POF1B: variants seen among roughly 807,000 people sequenced by gnomAD.
The protein encoded by POF1B is protein POF1B.
A neutral mutation model predicts 55.3 loss-of-function variants in POF1B; 53 were observed. The observed-to-expected ratio is 0.96, with a 90% CI of 0.77 to 1.20. The LOEUF (loss-of-function observed/expected upper bound fraction) is 1.20, where lower values mean the gene tolerates loss of function less well. Among genes scored for constraint, POF1B ranks in the 50% most tolerant of loss-of-function variants. The pLI, the probability that POF1B is intolerant of heterozygous loss-of-function variation, is 0.00. For synonymous variants in POF1B, 188 were observed against 148.3 expected, an observed-to-expected ratio of 1.27 and a Z score of -1.95; for missense variants, 478 against 420.5, an observed-to-expected ratio of 1.14 and a Z score of -1.20.
At chrX:85,372,212 C>A (rs530181514) in intron 2 of POF1B, among the ~76,000 whole-genome samples, 1 of 109,252 alleles carries the variant, frequency 9.2e-6, no homozygotes, top group Admixed American at 9.8e-5. Flanking sequence ...GGTGTGGTGG[C>A]GGGCGCCTAT....
At chrX:85,351,319 A>G (rs201047704) in intron 5 of POF1B, 31 bp downstream of exon 5, 2 of 1,048,380 alleles carry the variant, frequency 1.9e-6, no homozygotes, top group Admixed American at 2.6e-5. Flanking sequence ...TATACACTTA[A>G]AAACAAGTTT....
At chrX:85,293,159 A>G (rs2147895377) in intron 15 of POF1B, among the ~76,000 whole-genome samples, 1 of 112,135 alleles carries the variant, frequency 8.9e-6, no homozygotes, top group East Asian at 2.8e-4. Context: ...CAACACAGCA[A>G]TCTCATTACT....
intron 7 of POF1B, among the ~76,000 whole-genome samples, chrX:85,330,482 T>C (rs1249817653): frequency 8.9e-6 from 1 of 111,795 alleles, no homozygotes; most frequent in Non-Finnish European, 1.9e-5. Flanking sequence ...AAACAAGTTA[T>C]AGTATGCCAT....
intron 7 of POF1B, among the ~76,000 whole-genome samples, chrX:85,320,636 A>T (rs1367753612): frequency 8.9e-6 from 1 of 111,767 alleles, no homozygotes; most frequent in Non-Finnish European, 1.9e-5. Flanking sequence ...CCCTTCAAAA[A>T]TTAATGAATC....
At chrX:85,300,222 A>C (rs924924447) in intron 15 of POF1B, among the ~76,000 whole-genome samples, 4 of 111,804 alleles carry the variant, frequency 3.6e-5, no homozygotes, top group African/African-American at 1.3e-4. Flanking sequence ...CCAAGGCTGT[A>C]CGCATGTGAA....
At position 85,279,446 on chromosome X, in the gene POF1B, G is replaced by C. The variant is rs1227812690; in HGVS notation, c.1765-20C>G. The C allele has an allele frequency of 1.7e-6, 2 of 1,172,756 alleles. No homozygotes were observed. Among genetic ancestry groups the C allele is most frequent in the African/African-American group, 3.7e-5 (2 of 54,105 alleles). ...TCATGGCTAGAAAAGAAAAAAAAAG[G>C]TTATCTTACAACTGGTTCATAATTA... On this transcript the variant is annotated intron_variant, in intron 16 of 16. Coordinates refer to ENST00000262753, the MANE Select transcript of POF1B (RefSeq NM_024921.4).
rs1204908628 is a variant in POF1B, at chrX:85,377,798, C to T, written c.282+1375G>A. 4.5e-5 allele frequency among the ~76,000 whole-genome samples: 5 copies of T among 111,986 alleles called. No homozygotes were observed. The Admixed American group carries it at 4.8e-4, about 11-fold the overall frequency. On this transcript the variant is annotated intron_variant, in intron 2 of 16. Transcript: ENST00000262753. ...ACCAAGGAGTAAATAATAAAACATA[C>T]TCCTAAAAATTGTCCGGTAGCCAAT...
chrX:85,316,446 C>T (rs181612668), intron 7 of POF1B, among the ~76,000 whole-genome samples: 1 of 110,951 alleles, frequency 9.0e-6, no homozygotes, highest in East Asian at 2.9e-4. Context: ...ACCAGACTGG[C>T]ACTTACTCCT....
intron 13 of POF1B, among the ~76,000 whole-genome samples, chrX:85,304,732 A>C (rs762466259): frequency 9.0e-6 from 1 of 111,302 alleles, no homozygotes; most frequent in Non-Finnish European, 1.9e-5. Context: ...CAAAATTTAA[A>C]GTAAAGCTAA....
rs781503111 is a variant in POF1B at position 85,322,176 on chromosome X, C to T, written c.855-6442G>A. Among the ~76,000 whole-genome samples the T allele has an allele frequency of 2.7e-5, 3 of 111,319 alleles. No individual in the cohort carries two copies. The South Asian group carries it at 1.1e-3, about 43-fold the overall frequency. ...AAAGAACAAGGCTGGAGGTATCATG[C>T]TACCTGACTTCAAACTATACTACAA... On this transcript the variant is annotated intron_variant, in intron 7 of 16. Coordinates refer to ENST00000262753, the MANE Select transcript of POF1B (RefSeq NM_024921.4).
chrX:85,379,042 A>G (rs1933967108), intron 2 of POF1B, 131 bp downstream of exon 2: 1 of 747,087 alleles, frequency 1.3e-6, no homozygotes, highest in Admixed American at 3.5e-5. Context: ...TTGGGTGACT[A>G]TCCAAGGCAT....
chrX:85,369,673 A>G (rs112449133), intron 2 of POF1B, among the ~76,000 whole-genome samples: 2,460 of 111,622 alleles, frequency 0.022, 65 homozygotes, highest in African/African-American at 0.076. Flanking sequence ...GCTGATTAAC[A>G]TTTATATTGT....
At position 85,306,317 on chromosome X, in the gene POF1B, G is replaced by A; in HGVS notation, c.1181C>T (p.Ser394Leu). 8.3e-7 allele frequency: 1 copy of A among 1,207,355 alleles called. No individual in the cohort carries two copies. Among genetic ancestry groups the A allele is most frequent in the East Asian group, 3.0e-5 (1 of 33,688 alleles). ...NHQQQQGLQD[S>L]SSKCQALEEN... ...TTCCAATGCCTGGCATTTTGAACTT[G>A]AGTCTTGAAGTCCTTGCTGTAAAGA... Residue 394 changes from serine to leucine, a missense_variant, in exon 12 of 17, where the codon TCA becomes TTA. By Grantham distance (145) the Ser-to-Leu change is moderately radical. Coordinates refer to ENST00000262753, the MANE Select transcript of POF1B (RefSeq NM_024921.4).
chrX:85,303,614 T>C (rs887567546), intron 14 of POF1B, 126 bp from the exon 15 acceptor site: 4 of 456,862 alleles, frequency 8.8e-6, no homozygotes, highest in Non-Finnish European at 1.5e-5. Context: ...CTTTTTAGCC[T>C]TGACGTAATA....
chrX:85,326,399 A>C (rs1932897525), intron 7 of POF1B, among the ~76,000 whole-genome samples: 1 of 109,090 alleles, frequency 9.2e-6, no homozygotes, highest in Admixed American at 9.7e-5. Context: ...GCGGATTCAC[A>C]CAGGCGGCAG....
intron 15 of POF1B, among the ~76,000 whole-genome samples, chrX:85,302,045 C>T (rs1391190172): frequency 9.0e-6 from 1 of 111,164 alleles, no homozygotes; most frequent in Non-Finnish European, 1.9e-5. Flanking sequence ...TTGGGTTAGT[C>T]AACAGTTTCT....
intron 4 of POF1B, among the ~76,000 whole-genome samples, chrX:85,355,999 C>T (rs1194667877): frequency 9.0e-6 from 1 of 111,482 alleles, no homozygotes; most frequent in African/African-American, 3.3e-5. Context: ...GCTATAAAGA[C>T]ACATGCACAC....
intron 4 of POF1B, among the ~76,000 whole-genome samples, chrX:85,355,198 G>A (rs1357416582): frequency 3.8e-4 from 42 of 111,699 alleles, no homozygotes; most frequent in Non-Finnish European, 3.4e-4. Context: ...ACAAAAACAA[G>A]CAATGGGGAA....
Position 85,279,092 on chromosome X carries a change from A to G in POF1B, c.*329T>C, listed in dbSNP as rs984005565. The G allele has an allele frequency of 5.6e-6, 1 of 178,814 alleles. No individual in the cohort carries two copies. The highest frequency in any genetic ancestry group is 1.0e-5 in the Non-Finnish European group (1 of 96,361). The allele number at this position is 178,814 out of a possible 1,213,427, so 14.7% of individuals were successfully genotyped here. On this transcript the variant is annotated 3_prime_UTR_variant, in exon 17 of 17. Transcript: ENST00000262753. ...TGTAAAATCTCTACCCCAACAAATT[A>G]GTTTGATATCTAGGAGTTACCTTAT...
Sources: gnomAD v4.1 joint callset for allele counts (sites outside exome capture counted in the v4.1 genomes callset) on GRCh38, gnomAD v4.1.1 for gene constraint, MANE v1.5 for transcripts, NCBI Gene and HGNC (gene_info 2026-07-23, HGNC 2026-07-21) for gene names.